CHRNA7: variants seen among roughly 807,000 people sequenced by gnomAD.
CHRNA7 encodes cholinergic receptor nicotinic alpha 7 subunit.
Under a neutral mutation model 48.0 loss-of-function variants are expected in CHRNA7, and 17 were observed. The ratio of observed to expected loss-of-function variants is 0.35; its 90% CI spans 0.24 to 0.53. CHRNA7 has a LOEUF of 0.53. Ranked by LOEUF, CHRNA7 falls within the 20% of genes least tolerant of loss-of-function variation. The pLI is 0.92. For missense variants in CHRNA7, 155 were observed against 577.7 expected (o/e 0.27, Z 7.50); for synonymous variants, 75 against 242.3 (o/e 0.31, Z 6.41).
At chr15:32,048,310 C>T (rs1294279396) in intron 2 of CHRNA7, among the ~76,000 whole-genome samples, 2 of 151,906 alleles carry the variant, frequency 1.3e-5, no homozygotes, top group African/African-American at 4.8e-5. Context: ...TGGACTCTTT[C>T]TGGTTGGTAA....
Position 32,063,092 on chromosome 15 carries a change from G to A in CHRNA7, c.195+32055G>A, listed in dbSNP as rs73386723. Among the ~76,000 whole-genome samples, 1,451 of 152,220 alleles carry A rather than the reference G, an allele frequency of 9.5e-3. 27 individuals are homozygous for A. Among genetic ancestry groups the A allele is most frequent in the African/African-American group, 0.034 (1,396 of 41,520 alleles). On this transcript the variant is annotated intron_variant, in intron 2 of 9. Transcript: ENST00000306901. ...ATAAAAGAATGATATACATATACAG[G>A]GTAGTTACCGTGAGTGCAGCTTGCA... is the stretch of plus-strand genomic sequence containing the variant.
rs964563648 is a variant in CHRNA7, at chr15:32,149,767, C to T, written c.351-4140C>T. ...TCACTGAGTCACAGGTAAGCTGTTG[C>T]TAATAGCAACAGTTTTTTTATCTTG... On this transcript the variant is annotated intron_variant, in intron 4 of 9. Transcript: ENST00000306901. This position sits in a 1 kb window ranked among gnomAD's most constrained non-coding sequence, Gnocchi z 4.6. 6.6e-6 allele frequency among the ~76,000 whole-genome samples: 1 copy of T among 152,032 alleles called. No homozygotes were observed. Among genetic ancestry groups the T allele is most frequent in the Admixed American group, 6.5e-5 (1 of 15,278 alleles).
intron 2 of CHRNA7, among the ~76,000 whole-genome samples, chr15:32,051,522 G>T (rs1017522302): frequency 1.3e-5 from 2 of 152,130 alleles, no homozygotes; most frequent in Non-Finnish European, 2.9e-5. Flanking sequence ...ATTGGGGTGG[G>T]AGTGGCCCGA....
chr15:32,147,578 T>C (rs1163201302), intron 4 of CHRNA7, among the ~76,000 whole-genome samples: 1 of 152,022 alleles, frequency 6.6e-6, no homozygotes, highest in East Asian at 1.9e-4. Flanking sequence ...ACAAATAATA[T>C]AAATAAGTAA....
intron 2 of CHRNA7, among the ~76,000 whole-genome samples, chr15:32,040,451 AT>A (rs971748261): frequency 2.0e-5 from 3 of 151,920 alleles, no homozygotes; most frequent in Non-Finnish European, 4.4e-5. Flanking sequence ...TGCAATATAC[AT>A]TTACAACTAA....
At chr15:32,092,393 G>A (rs761921650) in intron 2 of CHRNA7, among the ~76,000 whole-genome samples, 5 of 152,034 alleles carry the variant, frequency 3.3e-5, no homozygotes, top group Non-Finnish European at 7.4e-5. Context: ...TCTTATTTGG[G>A]CTTTTTTCCA....
chr15:32,064,262 C>T (rs1566813739), intron 2 of CHRNA7, among the ~76,000 whole-genome samples: 1 of 151,954 alleles, frequency 6.6e-6, no homozygotes, highest in African/African-American at 2.4e-5. Flanking sequence ...TTTCCCTTCC[C>T]CTTCTTCTTT....
intron 2 of CHRNA7, among the ~76,000 whole-genome samples, chr15:32,033,647 C>T (rs1015151252): frequency 1.3e-5 from 2 of 152,228 alleles, no homozygotes; most frequent in African/African-American, 4.8e-5. Context: ...TTACTTGGCT[C>T]TGCCTGGTTT....
intron 2 of CHRNA7, among the ~76,000 whole-genome samples, chr15:32,062,405 A>G (rs2049893758): frequency 6.6e-6 from 1 of 152,212 alleles, no homozygotes; most frequent in Non-Finnish European, 1.5e-5. Flanking sequence ...CCTTTTCCTT[A>G]GAGTTAATAC....
intron 4 of CHRNA7, among the ~76,000 whole-genome samples, chr15:32,122,568 A>G (rs940624947): frequency 2.0e-5 from 3 of 152,022 alleles, no homozygotes; most frequent in African/African-American, 2.4e-5. Context: ...CCAGACCAGG[A>G]GACTATCCAT....
At chr15:32,074,724 G>T (rs2050110710) in intron 2 of CHRNA7, among the ~76,000 whole-genome samples, 2 of 151,180 alleles carry the variant, frequency 1.3e-5, no homozygotes, top group Middle Eastern at 3.4e-3. Flanking sequence ...GCATGATCTC[G>T]GCTCACTGCA....
At chr15:32,109,683 A>G (rs2050730197) in intron 3 of CHRNA7, among the ~76,000 whole-genome samples, 1 of 152,222 alleles carries the variant, frequency 6.6e-6, no homozygotes, top group Non-Finnish European at 1.5e-5. Flanking sequence ...GTGACTGACT[A>G]AAACATCCTA....
At chr15:32,137,870 T>C (rs2051301055) in intron 4 of CHRNA7, among the ~76,000 whole-genome samples, 1 of 152,198 alleles carries the variant, frequency 6.6e-6, no homozygotes, top group African/African-American at 2.4e-5. Flanking sequence ...GATCCAACAA[T>C]TGTCCTCCTC....
At chr15:32,046,327 C>T (rs567494147) in intron 2 of CHRNA7, among the ~76,000 whole-genome samples, 2 of 144,218 alleles carry the variant, frequency 1.4e-5, no homozygotes, top group Non-Finnish European at 3.0e-5. Flanking sequence ...CTCTCCAGCA[C>T]CTGTTGTTTC....
chr15:32,078,661 C>G (rs1362614861), intron 2 of CHRNA7, among the ~76,000 whole-genome samples: 1 of 76,174 alleles, frequency 1.3e-5, no homozygotes, highest in African/African-American at 4.8e-5. Flanking sequence ...AGCCTACCAA[C>G]CAAAAAAAAA....
At chr15:32,121,918 T>C (rs2050977480) in intron 4 of CHRNA7, among the ~76,000 whole-genome samples, 1 of 152,146 alleles carries the variant, frequency 6.6e-6, no homozygotes, top group Non-Finnish European at 1.5e-5. Context: ...CTAGCTATAA[T>C]CTAAGGAATT....
rs957875005 is a variant in CHRNA7, at chr15:32,170,272, TGTAA to T, written c.*1817_*1820del. The T allele has an allele frequency of 1.6e-5, 2 of 122,088 alleles. No homozygotes were observed. Among genetic ancestry groups the T allele is most frequent in the African/African-American group, 6.5e-5 (2 of 30,674 alleles). The allele number at this position is 122,088 out of a possible 1,614,324, so 7.6% of individuals were successfully genotyped here. A position where few individuals can be genotyped will look rare whatever the true frequency, so the allele number is the denominator to read the frequency against. On this transcript the variant is annotated 3_prime_UTR_variant, in exon 10 of 10. Transcript: ENST00000306901. ...TGCGTGTGTGCGGTGTGTGTGTGTG[TGTAA>T]GTGTGAGGTACCTTGTGTGTGACAA...
At chr15:32,130,802 TTC>T (rs2051142371) in intron 4 of CHRNA7, among the ~76,000 whole-genome samples, 1 of 152,052 alleles carries the variant, frequency 6.6e-6, no homozygotes, top group Non-Finnish European at 1.5e-5. Context: ...TATTGTTTTT[TTC>T]TCTCTTTCAA....
intron 2 of CHRNA7, among the ~76,000 whole-genome samples, chr15:32,065,044 C>T (rs1286987271): frequency 6.6e-6 from 1 of 152,106 alleles, no homozygotes; most frequent in Admixed American, 6.6e-5. Flanking sequence ...AAGGAAACTG[C>T]CAACATTTGC....
Sources: allele counts gnomAD v4.1 joint callset (sites outside exome capture counted in the v4.1 genomes callset), GRCh38; gene constraint gnomAD v4.1.1; non-coding constraint Gnocchi (gnomAD v3.1); transcripts MANE v1.5; gene names NCBI Gene and HGNC (gene_info 2026-07-23, HGNC 2026-07-21).